The following ASIC2 variants were observed in gnomAD, a reference collection of about 807,000 sequenced individuals.
ASIC2 encodes acid-sensing ion channel 2.
Under a neutral mutation model 57.3 loss-of-function variants are expected in ASIC2, and 25 were observed. That is an observed-to-expected ratio of 0.44 (90% CI 0.32 to 0.61). ASIC2 has a LOEUF of 0.61. Ranked by LOEUF, ASIC2 falls within the 20% of genes least tolerant of loss-of-function variation. ASIC2 has a pLI of 0.06. For synonymous variants in ASIC2, 319 were observed against 307.5 expected (o/e 1.04, Z -0.39); for missense variants, 641 against 738.1 (o/e 0.87, Z 1.52).
At chr17:33,269,613 C>CCTTCCTT (rs1904365250) in intron 1 of ASIC2, among the ~76,000 whole-genome samples, 1 of 73,340 alleles carries the variant, frequency 1.4e-5, no homozygotes, top group Non-Finnish European at 2.9e-5. Context: ...AGGGCTCCTT[C>CCTTCCTT]CCTTCCTTCC....
At chr17:33,463,301 C>T (rs17836824) in intron 1 of ASIC2, among the ~76,000 whole-genome samples, 1,736 of 152,272 alleles carry the variant, frequency 0.011, 59 homozygotes, top group East Asian at 0.1. Flanking sequence ...GGCATCATCC[C>T]CAGAGGAAGT....
At chr17:33,563,742 A>G (rs957619006) in intron 1 of ASIC2, among the ~76,000 whole-genome samples, 7 of 152,146 alleles carry the variant, frequency 4.6e-5, no homozygotes, top group Non-Finnish European at 2.9e-5. Context: ...GTAGAACCCC[A>G]TAGCTTTTAA....
intron 1 of ASIC2, chr17:34,039,886 G>A (rs966746437): frequency 3.2e-6 from 5 of 1,580,358 alleles, no homozygotes; most frequent in Non-Finnish European, 3.5e-6. Flanking sequence ...TACTGCCGCC[G>A]CCGCCGCTGC....
chr17:33,180,646 T>C (rs903461690), intron 1 of ASIC2, among the ~76,000 whole-genome samples: 4 of 152,204 alleles, frequency 2.6e-5, no homozygotes, highest in African/African-American at 9.6e-5. Flanking sequence ...TTGGGGATGC[T>C]GACTTACTGA....
intron 1 of ASIC2, among the ~76,000 whole-genome samples, chr17:33,595,788 G>T (rs1043743373): frequency 1.3e-5 from 2 of 152,096 alleles, no homozygotes; most frequent in African/African-American, 4.8e-5. Flanking sequence ...AGGAATACTT[G>T]GGGTGGAATG....
At chr17:33,548,330 G>A (rs1915643207) in intron 1 of ASIC2, among the ~76,000 whole-genome samples, 3 of 152,154 alleles carry the variant, frequency 2.0e-5, no homozygotes, top group Admixed American at 1.3e-4. Flanking sequence ...ACATTAATTG[G>A]CTACTAATTA....
intron 1 of ASIC2, among the ~76,000 whole-genome samples, chr17:33,230,264 G>T (rs1470001282): frequency 6.6e-6 from 1 of 152,248 alleles, no homozygotes; most frequent in Non-Finnish European, 1.5e-5. Context: ...TCTGACTTCT[G>T]CTATATTAAC....
intron 1 of ASIC2, among the ~76,000 whole-genome samples, chr17:33,145,856 G>T (rs1380519450): frequency 1.3e-5 from 2 of 152,112 alleles, no homozygotes; most frequent in African/African-American, 4.8e-5. Flanking sequence ...TGAAAGAATT[G>T]GTGGCAAGGG....
intron 1 of ASIC2, among the ~76,000 whole-genome samples, chr17:33,917,594 T>G (rs1029639777): frequency 2.0e-5 from 3 of 152,186 alleles, no homozygotes; most frequent in South Asian, 2.1e-4. Flanking sequence ...TCTTCCACAC[T>G]CCGGTTTCTT....
At chr17:34,064,813 T>C (rs1193691635) in intron 1 of ASIC2, among the ~76,000 whole-genome samples, 1 of 151,888 alleles carries the variant, frequency 6.6e-6, no homozygotes, top group Non-Finnish European at 1.5e-5. Context: ...GAAATGCAAA[T>C]CAAAACCACA....
chr17:33,884,133 C>T (rs1914768232), intron 1 of ASIC2, among the ~76,000 whole-genome samples: 1 of 152,202 alleles, frequency 6.6e-6, no homozygotes, highest in Non-Finnish European at 1.5e-5. Context: ...AGGAGGCTGA[C>T]CTCTGCACCA....
At chr17:33,767,274 T>C (rs147270261) in intron 1 of ASIC2, among the ~76,000 whole-genome samples, 78 of 152,350 alleles carry the variant, frequency 5.1e-4, no homozygotes, top group African/African-American at 1.7e-3. Context: ...TTCAAAAGTA[T>C]ATTTCCTGTG....
chr17:33,556,516 C>A (rs114282758), intron 1 of ASIC2, among the ~76,000 whole-genome samples: 1 of 152,154 alleles, frequency 6.6e-6, no homozygotes, highest in African/African-American at 2.4e-5. Context: ...AGCTTAAATA[C>A]GTTTAAATTC....
chr17:33,063,489 C>A (rs1005762561), intron 3 of ASIC2, among the ~76,000 whole-genome samples: 3 of 151,898 alleles, frequency 2.0e-5, no homozygotes, highest in African/African-American at 7.3e-5. Flanking sequence ...GAATATTGGC[C>A]CCCCCTCTCT....
chr17:33,541,121 A>G (rs1911722693), intron 1 of ASIC2, among the ~76,000 whole-genome samples: 2 of 152,076 alleles, frequency 1.3e-5, no homozygotes, highest in South Asian at 2.1e-4. Flanking sequence ...TGTAGAGGGA[A>G]GTAGTAGAAT....
intron 3 of ASIC2, among the ~76,000 whole-genome samples, chr17:33,053,355 A>G (rs1388504018): frequency 2.6e-5 from 4 of 152,212 alleles, no homozygotes; most frequent in Non-Finnish European, 2.9e-5. Flanking sequence ...CACTAACTGC[A>G]TGGATTCTTA....
intron 1 of ASIC2, among the ~76,000 whole-genome samples, chr17:34,009,194 A>G (rs1373640528): frequency 6.6e-6 from 1 of 152,154 alleles, no homozygotes; most frequent in Non-Finnish European, 1.5e-5. Context: ...AGTCAAATGA[A>G]CAGAGACTAT....
At chr17:33,956,679 C>A (rs1010803580) in intron 1 of ASIC2, among the ~76,000 whole-genome samples, 6 of 152,236 alleles carry the variant, frequency 3.9e-5, no homozygotes, top group Non-Finnish European at 8.8e-5. Flanking sequence ...CTCCTCCTAA[C>A]AGTCAGCACA....
intron 1 of ASIC2, among the ~76,000 whole-genome samples, chr17:34,116,874 A>T (rs1911437878): frequency 6.6e-6 from 1 of 151,926 alleles, no homozygotes; most frequent in Admixed American, 6.6e-5. Context: ...AGGGCGTATA[A>T]TATGTGTGTG....
Sources: gnomAD v4.1 joint callset for allele counts (sites outside exome capture counted in the v4.1 genomes callset) on GRCh38, gnomAD v4.1.1 for gene constraint, MANE v1.5 for transcripts, NCBI Gene and HGNC (gene_info 2026-07-23, HGNC 2026-07-21) for gene names.